The following EPHA1 variants were observed in gnomAD, a reference collection of about 807,000 sequenced individuals.
EPHA1 encodes the protein EPH receptor A1.
EPHA1 carries 92 observed loss-of-function variants against 110.1 expected under a neutral mutation model. That is an observed-to-expected ratio of 0.84 (90% confidence interval 0.71 to 0.99). The LOEUF (loss-of-function observed/expected upper bound fraction) is 0.99. Among genes scored for constraint, EPHA1 ranks in the 50% least tolerant of loss-of-function variants. EPHA1 has a pLI of 0.00. For synonymous variants in EPHA1, 500 were observed against 516.1 expected, an observed-to-expected ratio of 0.97 and a Z score of 0.42; for missense variants, 1,204 against 1,285.4, an observed-to-expected ratio of 0.94 and a Z score of 0.97.
chr7:143,400,256 C>G (rs1047478791), intron 3 of EPHA1, among the ~76,000 whole-genome samples: 1 of 152,144 alleles, frequency 6.6e-6, no homozygotes, highest in Non-Finnish European at 1.5e-5. Context: ...CTTATTGTCT[C>G]TATTTAATAG....
chr7:143,394,151 G>A, intron 15 of EPHA1, 43 bp downstream of exon 15: 1 of 1,579,212 alleles, frequency 6.3e-7, no homozygotes, highest in South Asian at 1.1e-5. Context: ...GAAATAAGAG[G>A]TGTGAATTGG....
Position 143,399,268 on chromosome 7 carries a change from C to A in EPHA1, c.981G>T (p.Val327=), listed in dbSNP as rs139795201. 4 of 1,611,558 alleles carry A rather than the reference C, an allele frequency of 2.5e-6. No individual in the cohort carries two copies. Among genetic ancestry groups the A allele is most frequent in the Non-Finnish European group, 3.4e-6 (4 of 1,179,762 alleles). ...ACCCCCTGGACTCACCTGTGCATGC[C>A]ACCTGGGGGCCCTCCCCGGGAGCTC... ...HYRAPGEGPQ[V]ACTGPPSAPR... Residue 327 remains valine (V), a synonymous_variant, in exon 5 of 18, where the codon GTG becomes GTT. Coordinates refer to ENST00000275815, the MANE Select transcript of EPHA1 (RefSeq NM_005232.5).
chr7:143,408,597 G>T, intron 1 of EPHA1, 127 bp downstream of exon 1: 1 of 357,192 alleles, frequency 2.8e-6, no homozygotes, highest in Non-Finnish European at 4.8e-6. Context: ...CGGGCACAGC[G>T]AGAGAGCTGG....
chr7:143,398,715 C>CA lies in EPHA1; in HGVS notation c.1221dup (p.Gly408TrpfsTer3). The CA allele has an allele frequency of 6.2e-7, 1 of 1,614,132 alleles. No individual in the cohort carries two copies. The highest frequency in any genetic ancestry group is 8.5e-7 in the Non-Finnish European group (1 of 1,180,016). ...GTGTAGTTGGCATAAGGTTCAAGGC[C>CA]ATTGACATGCACTGCAGGTGTGGTG... On this transcript the variant is annotated frameshift_variant, in exon 6 of 18. Transcript: ENST00000275815. LOFTEE classifies it high-confidence loss of function.
intron 14 of EPHA1, 50 bp from the exon 15 acceptor site, chr7:143,394,393 C>A: frequency 6.4e-7 from 1 of 1,553,748 alleles, no homozygotes; most frequent in South Asian, 1.2e-5. Context: ...TCCACCTGAG[C>A]ACGAGTCTTT....
intron 3 of EPHA1, among the ~76,000 whole-genome samples, chr7:143,400,525 C>T (rs1306402938): frequency 1.3e-5 from 2 of 152,172 alleles, no homozygotes; most frequent in Non-Finnish European, 2.9e-5. Flanking sequence ...TAAAATGCTC[C>T]TTACTCTTCT....
chr7:143,394,171 G>C, intron 15 of EPHA1, 23 bp downstream of exon 15: 1 of 1,599,184 alleles, frequency 6.3e-7, no homozygotes. Flanking sequence ...GAGACAAGAT[G>C]AGGAAGAATA....
Position 143,393,696 on chromosome 7 carries a change from G to C in EPHA1, c.2671C>G (p.Arg891Gly). 1 of 1,613,726 alleles carries C rather than the reference G, an allele frequency of 6.2e-7. No individual in the cohort carries two copies. Among genetic ancestry groups the C allele is most frequent in the South Asian group, 1.1e-5 (1 of 91,050 alleles). The change falls in exon 16 of 18, where the codon CGG (arginine) becomes GGG (glycine). Residue 891 changes from arginine to glycine, a missense_variant. Arg to Gly is a moderately radical substitution (Grantham distance 125). Coordinates refer to ENST00000275815, the MANE Select transcript of EPHA1 (RefSeq NM_005232.5). This position sits in a 1 kb window ranked among gnomAD's most constrained non-coding sequence, Gnocchi z 5.6. ...CTGGGGTCAAAGTTGGCAATGGTCC[G>C]CAGGGAGTGGGGGTTGGCAAGCAGT... ...EQLLANPHSL[R>G]TIANFDPRMT...
In EPHA1 at chr7:143,391,696, G is replaced by T. The variant is rs138715519; in HGVS notation, c.2776C>A (p.Arg926Ser). The T allele has an allele frequency of 1.9e-6, 3 of 1,613,958 alleles. No individual in the cohort carries two copies. Among genetic ancestry groups the T allele is most frequent in the Non-Finnish European group, 2.5e-6 (3 of 1,180,014 alleles). The change falls in exon 17 of 18, where the codon CGC (arginine) becomes AGC (serine). Residue 926 changes from arginine to serine, a missense_variant. Arg to Ser is a moderately radical substitution (Grantham distance 110, BLOSUM62 -1). Transcript: ENST00000275815. Reference sequence around the variant, plus strand: ...AAGTGCAGGATGTAGCGTTTCATGCGTATGGACTCGAGCCACTCAGAGACG... The same window carrying T: ...AAGTGCAGGATGTAGCGTTTCATGCTTATGGACTCGAGCCACTCAGAGACG... ...RTVSEWLESIRMKRYILHFHS... is the reference protein window; with the variant it reads ...RTVSEWLESISMKRYILHFHS...
At chr7:143,394,374 G>C in intron 14 of EPHA1, 31 bp from the exon 15 acceptor site, 1 of 1,597,744 alleles carries the variant, frequency 6.3e-7, no homozygotes, top group Non-Finnish European at 8.5e-7. Flanking sequence ...GGGACGGAAA[G>C]TTATGGTGTC....
intron 16 of EPHA1, among the ~76,000 whole-genome samples, chr7:143,392,399 A>AGC (rs1805113270): frequency 6.6e-6 from 1 of 152,226 alleles, no homozygotes; most frequent in African/African-American, 2.4e-5. Flanking sequence ...GTTGCGCTCC[A>AGC]AAAGATAGTT....
chr7:143,399,120 G>C (rs1805344453), intron 5 of EPHA1, 138 bp downstream of exon 5: 1 of 1,280,108 alleles, frequency 7.8e-7, no homozygotes, highest in African/African-American at 1.5e-5. Context: ...CAGGGTGCCA[G>C]GGCAGGGGCT....
chr7:143,392,388 A>G (rs889608989), intron 16 of EPHA1, among the ~76,000 whole-genome samples: 13 of 152,170 alleles, frequency 8.5e-5, no homozygotes, highest in African/African-American at 1.2e-4. Flanking sequence ...TGTATGAGGG[A>G]GTTGCGCTCC....
intron 16 of EPHA1, among the ~76,000 whole-genome samples, chr7:143,392,769 C>G (rs1805126101): frequency 6.6e-6 from 1 of 152,020 alleles, no homozygotes; most frequent in Non-Finnish European, 1.5e-5. Flanking sequence ...TGGTGAAACC[C>G]CGTTTCTACT....
At position 143,397,242 on chromosome 7, in the gene EPHA1, C is replaced by A. The variant is rs1317340769; in HGVS notation, c.1771+62G>T. Reference sequence around the variant, plus strand: ...TCCCAGTGGCATCTCCCAACACACACACACACGCACACACAGGTGTGCACA... The same window carrying A: ...TCCCAGTGGCATCTCCCAACACACAAACACACGCACACACAGGTGTGCACA... On this transcript the variant is annotated intron_variant, in intron 10 of 17. Coordinates refer to ENST00000275815, the MANE Select transcript of EPHA1 (RefSeq NM_005232.5). The A allele has an allele frequency of 4.0e-6, 6 of 1,502,974 alleles. No homozygotes were observed. In the East Asian group the frequency reaches 1.2e-4, roughly 31 times the overall value. 93.1% of individuals were successfully genotyped at this position (1,502,974 alleles called of 1,614,324 possible).
In EPHA1 at chr7:143,393,587, C is replaced by T. The variant is rs548673191; in HGVS notation, c.2696+84G>A. 43 of 1,479,012 alleles carry T rather than the reference C, an allele frequency of 2.9e-5. No individual in the cohort carries two copies. In the African/African-American group the frequency reaches 4.2e-4, roughly 14 times the overall value. 91.6% of individuals were successfully genotyped at this position (1,479,012 alleles called of 1,614,324 possible). The stretch of plus-strand genomic sequence containing the variant: ...TTGGTCCAGAGCTCCCCAGGCCCAG[C>T]GCTCAAAGAAGATTGGCTGAATGCC... On this transcript the variant is annotated intron_variant, in intron 16 of 17. Transcript: ENST00000275815. The surrounding 1 kb of genome is among the most constrained non-coding windows in gnomAD (Gnocchi z 5.6).
In EPHA1 at chr7:143,393,714, C is replaced by G; in HGVS notation, c.2653G>C (p.Ala885Pro). The G allele has an allele frequency of 6.2e-7, 1 of 1,613,836 alleles. No homozygotes were observed. Among genetic ancestry groups the G allele is most frequent in the Non-Finnish European group, 8.5e-7 (1 of 1,179,934 alleles). Residue 885 changes from alanine (A) to proline (P), a missense_variant, in exon 16 of 18, where the codon GCC becomes CCC. Physicochemically the swap from Ala to Pro is conservative, Grantham distance 27. Transcript: ENST00000275815. This position sits in a 1 kb window ranked among gnomAD's most constrained non-coding sequence, Gnocchi z 5.6. ...ATGGTCCGCAGGGAGTGGGGGTTGGCAAGCAGTTGCTCCAGATGTGCCTGA... is the reference window on the plus strand; with the variant it reads ...ATGGTCCGCAGGGAGTGGGGGTTGGGAAGCAGTTGCTCCAGATGTGCCTGA... Reference protein sequence around the residue: ...KLQAHLEQLLANPHSLRTIAN... With the variant: ...KLQAHLEQLLPNPHSLRTIAN...
intron 2 of EPHA1, among the ~76,000 whole-genome samples, chr7:143,406,591 C>T (rs1274379760): frequency 6.6e-6 from 1 of 152,202 alleles, no homozygotes; most frequent in African/African-American, 2.4e-5. Flanking sequence ...TAGGTGACAA[C>T]ATGTTACTTG....
At chr7:143,406,389 C>T (rs528266294) in intron 2 of EPHA1, among the ~76,000 whole-genome samples, 3 of 152,342 alleles carry the variant, frequency 2.0e-5, no homozygotes, top group Middle Eastern at 3.4e-3. Flanking sequence ...GGGTGGCTCG[C>T]CTCCTTCACA....
Sources: allele counts gnomAD v4.1 joint callset (sites outside exome capture counted in the v4.1 genomes callset), GRCh38; gene constraint gnomAD v4.1.1; non-coding constraint Gnocchi (gnomAD v3.1); transcripts MANE v1.5; gene names NCBI Gene and HGNC (gene_info 2026-07-23, HGNC 2026-07-21).